CLOCK: variants seen among roughly 807,000 people sequenced by gnomAD.
CLOCK encodes the protein circadian locomoter output cycles protein kaput.
In CLOCK, 43 loss-of-function variants were observed where a neutral mutation model predicts 118.4. That is an observed-to-expected ratio of 0.36 (90% CI 0.28 to 0.47). The LOEUF is 0.47. CLOCK is among the 20% of genes least tolerant of loss of function. The probability of loss-of-function intolerance (pLI) is 1.00; values close to 1 mark genes in which losing one functional copy is unlikely to be tolerated. For synonymous variants in CLOCK, 326 were observed against 339.2 expected (o/e 0.96, Z 0.43); for missense variants, 846 against 999.9 (o/e 0.85, Z 2.08).
chr4:55,479,640 C>G lies in CLOCK; in HGVS notation c.107G>C (p.Arg36Thr). 1 of 1,608,810 alleles carries G rather than the reference C, an allele frequency of 6.2e-7. No individual in the cohort carries two copies. ...TATTTTATATCTCTAATCAAACTAC[C>G]TTTTCGCTTTGTCCTTGTCATCTTC... is the stretch of plus-strand genomic sequence containing the variant. ...VEEDDKDKAKRVSRNKSEKKR... is the reference protein window; with the variant it reads ...VEEDDKDKAKTVSRNKSEKKR... The change falls in exon 5 of 23, where the codon AGA becomes ACA. Residue 36 changes from arginine to threonine, a missense_variant and splice_region_variant. Around this residue, in one of 4 missense-constraint regions of CLOCK, gnomAD observed 246 missense variants for 300.2 expected, o/e 0.82. Transcript: ENST00000513440.
intron 3 of CLOCK, among the ~76,000 whole-genome samples, chr4:55,484,803 G>A (rs1200322478): frequency 6.6e-6 from 1 of 152,132 alleles, no homozygotes; most frequent in Non-Finnish European, 1.5e-5. Flanking sequence ...AGAATTAAGG[G>A]TTATACTACA....
chr4:55,532,823 G>A, intron 1 of CLOCK, among the ~76,000 whole-genome samples: 1 of 152,080 alleles, frequency 6.6e-6, no homozygotes, highest in East Asian at 1.9e-4. Context: ...CTCCAGCCTA[G>A]GTGACAGAGA....
At chr4:55,492,738 G>A (rs1165437295) in intron 2 of CLOCK, among the ~76,000 whole-genome samples, 4 of 152,028 alleles carry the variant, frequency 2.6e-5, no homozygotes, top group Non-Finnish European at 1.5e-5. Context: ...CCAGTTACTC[G>A]GGAGGGTGAG....
chr4:55,455,677 A>T (rs1057466399), intron 13 of CLOCK, among the ~76,000 whole-genome samples: 1 of 152,216 alleles, frequency 6.6e-6, no homozygotes, highest in Non-Finnish European at 1.5e-5. Flanking sequence ...GGTGTATTAG[A>T]TGCAATATTA....
Position 55,478,992 on chromosome 4 carries a change from A to G in CLOCK, c.108-29T>C, listed in dbSNP as rs1466611364. The G allele has an allele frequency of 5.9e-6, 9 of 1,535,530 alleles. No homozygotes were observed. The Admixed American group carries it at 7.4e-5, about 13-fold the overall frequency. On this transcript the variant is annotated intron_variant, in intron 5 of 22. Transcript: ENST00000513440. ...ATGAAATGAAAAATATGCATTTTTT[A>G]AACAATCCATTTAATTACACAAGTA... is the stretch of plus-strand genomic sequence containing the variant.
chr4:55,491,235 A>T (rs1245963977), intron 2 of CLOCK, among the ~76,000 whole-genome samples: 2 of 26,204 alleles, frequency 7.6e-5, no homozygotes, highest in African/African-American at 1.2e-4. Context: ...CAGGTGTGCT[A>T]AAAAAAAAAA....
intron 2 of CLOCK, among the ~76,000 whole-genome samples, chr4:55,490,559 A>G (rs747504955): frequency 6.6e-6 from 1 of 152,108 alleles, no homozygotes; most frequent in Non-Finnish European, 1.5e-5. Context: ...CCCACCAAAT[A>G]TTAATACCAA....
intron 1 of CLOCK, chr4:55,545,899 C>A (rs894465473): frequency 2.1e-4 from 32 of 152,394 alleles, no homozygotes; most frequent in African/African-American, 6.7e-4. Flanking sequence ...TCGCCGCCAA[C>A]CCTCGAACCC....
intron 1 of CLOCK, among the ~76,000 whole-genome samples, chr4:55,545,072 T>A (rs1229845078): frequency 6.7e-6 from 1 of 150,310 alleles, no homozygotes; most frequent in Non-Finnish European, 1.5e-5. Flanking sequence ...TTTTACTTTT[T>A]TTATTATTAT....
At chr4:55,449,020 T>A in intron 17 of CLOCK, 152 bp from the exon 18 acceptor site, 1 of 668,794 alleles carries the variant, frequency 1.5e-6, no homozygotes, top group South Asian at 1.8e-5. Flanking sequence ...CTCATCTATA[T>A]TGGAAAGGCC....
chr4:55,513,554 TGTAAA>T (rs1405097997), intron 1 of CLOCK, among the ~76,000 whole-genome samples: 4 of 152,250 alleles, frequency 2.6e-5, no homozygotes, highest in Non-Finnish European at 4.4e-5. Flanking sequence ...TGACTGTAGT[TGTAAA>T]GTAAGTCTTG....
At chr4:55,475,895 ATATTAAGTCAC>A in intron 7 of CLOCK, 57 bp downstream of exon 7, 1 of 1,049,222 alleles carries the variant, frequency 9.5e-7, no homozygotes, top group Middle Eastern at 2.8e-4. Context: ...GTACACCTGG[ATATTAAGTCAC>A]CCTGTGATTT....
chr4:55,501,139 C>T (rs547319318), intron 2 of CLOCK, among the ~76,000 whole-genome samples: 2 of 152,332 alleles, frequency 1.3e-5, no homozygotes, highest in East Asian at 1.9e-4. Context: ...CAGGCATGGG[C>T]CACCACATCT....
intron 2 of CLOCK, among the ~76,000 whole-genome samples, chr4:55,504,503 C>CT (rs1217014066): frequency 6.6e-6 from 1 of 151,974 alleles, no homozygotes; most frequent in Non-Finnish European, 1.5e-5. Context: ...GTAACAGACC[C>CT]TTATTCTTGA....
chr4:55,449,636 C>T (rs1486737321), intron 16 of CLOCK, 140 bp from the exon 17 acceptor site: 2 of 714,510 alleles, frequency 2.8e-6, no homozygotes, highest in Non-Finnish European at 4.9e-6. Context: ...AAGTCCATGA[C>T]AGATGATTCA....
intron 19 of CLOCK, 42 bp downstream of exon 19, chr4:55,444,590 AT>A: frequency 6.2e-7 from 1 of 1,612,988 alleles, no homozygotes; most frequent in Non-Finnish European, 8.5e-7. Context: ...GAAATCCAAA[AT>A]GTGAATGGGA....
chr4:55,510,243 C>A (rs753801388), intron 1 of CLOCK, among the ~76,000 whole-genome samples, 178 bp from the exon 2 acceptor site: 2 of 152,102 alleles, frequency 1.3e-5, no homozygotes, highest in African/African-American at 4.8e-5. Context: ...GGAACTCAAC[C>A]GTAAATGGGA....
chr4:55,432,663 A>G lies in CLOCK; in HGVS notation c.*2752T>C, dbSNP rs1302512416. ...GATAGCTTTGCAACCCAAATTTAAG[A>G]GAATCAGGAGGAAAACAAAGCAGCA... On this transcript the variant is annotated 3_prime_UTR_variant, in exon 23 of 23. Coordinates refer to ENST00000513440, the MANE Select transcript of CLOCK (RefSeq NM_004898.4). 6.6e-6 allele frequency: 1 copy of G among 151,710 alleles called. No homozygotes were observed. The highest frequency in any genetic ancestry group is 1.5e-5 in the Non-Finnish European group (1 of 67,920). 9.4% of individuals were successfully genotyped at this position (151,710 alleles called of 1,614,324 possible). A position where few individuals can be genotyped will look rare whatever the true frequency, so the allele number is the denominator to read the frequency against.
rs1002750336 is a variant in CLOCK, at chr4:55,458,817, T to A, written c.792+75A>T. The A allele has an allele frequency of 2.3e-5, 22 of 977,346 alleles. No homozygotes were observed. In the Admixed American group the frequency reaches 3.8e-4, roughly 17 times the overall value. The allele number at this position is 977,346 out of a possible 1,614,324, so 60.5% of individuals were successfully genotyped here. A position where few individuals can be genotyped will look rare whatever the true frequency, so the allele number is the denominator to read the frequency against. Reference sequence around the variant, plus strand: ...ATGACTCATAGCCATTCCACCTCAATGTCTGCAGGAAGTTTCAGGCAGCTC... The same window carrying A: ...ATGACTCATAGCCATTCCACCTCAAAGTCTGCAGGAAGTTTCAGGCAGCTC... On this transcript the variant is annotated intron_variant, in intron 11 of 22. Transcript: ENST00000513440.
Sources: allele counts gnomAD v4.1 joint callset (sites outside exome capture counted in the v4.1 genomes callset), GRCh38; gene constraint gnomAD v4.1.1; regional missense constraint gnomAD v4.1.1; transcripts MANE v1.5; gene names NCBI Gene and HGNC (gene_info 2026-07-23, HGNC 2026-07-21).